Variants in ASIC2 observed in about 807,000 individuals in gnomAD.
The protein encoded by ASIC2 is acid sensing ion channel subunit 2.
Under a neutral mutation model 57.3 loss-of-function variants are expected in ASIC2, and 25 were observed. The observed-to-expected ratio is 0.44, with a 90% CI of 0.32 to 0.61. The LOEUF (loss-of-function observed/expected upper bound fraction) is 0.61, where lower values mean the gene tolerates loss of function less well. Among genes scored for constraint, ASIC2 ranks in the 20% least tolerant of loss-of-function variants. ASIC2 has a pLI of 0.06. For missense variants in ASIC2, 641 were observed against 738.1 expected (o/e 0.87, Z 1.52); for synonymous variants, 319 against 307.5 (o/e 1.04, Z -0.39).
At chr17:33,263,126 G>C (rs908062389) in intron 1 of ASIC2, among the ~76,000 whole-genome samples, 1 of 152,176 alleles carries the variant, frequency 6.6e-6, no homozygotes, top group Non-Finnish European at 1.5e-5. Flanking sequence ...GGCATTTTCC[G>C]GCCCTAGCTG....
intron 1 of ASIC2, among the ~76,000 whole-genome samples, chr17:33,605,342 G>A (rs911966011): frequency 6.6e-6 from 1 of 152,226 alleles, no homozygotes; most frequent in African/African-American, 2.4e-5. Context: ...TGCAGGGTCT[G>A]TTTAAAAACC....
intron 1 of ASIC2, among the ~76,000 whole-genome samples, chr17:33,708,094 C>T (rs1411794094): frequency 2.6e-5 from 4 of 152,200 alleles, no homozygotes; most frequent in African/African-American, 4.8e-5. Flanking sequence ...GGAGGGAGAG[C>T]TGTCTGGTTG....
rs116326301 is a variant in ASIC2, at chr17:33,106,442, G to C, written c.859+5475C>G. On this transcript the variant is annotated intron_variant, in intron 2 of 9. Transcript: ENST00000225823. ...GGATAGAAGGAGATGTGAAAGGGAGGTGCCTATTTGTGGTCTTTCTGACAC... is the reference window on the plus strand; with the variant it reads ...GGATAGAAGGAGATGTGAAAGGGAGCTGCCTATTTGTGGTCTTTCTGACAC... Among the ~76,000 whole-genome samples, 495 of 152,244 alleles carry C rather than the reference G, an allele frequency of 3.3e-3. 1 individual carries two copies. The highest frequency in any genetic ancestry group is 0.011 in the African/African-American group (457 of 41,534).
intron 1 of ASIC2, among the ~76,000 whole-genome samples, chr17:33,488,684 A>G (rs1913654716): frequency 6.6e-6 from 1 of 152,134 alleles, no homozygotes; most frequent in Non-Finnish European, 1.5e-5. Flanking sequence ...GAATTCTTTT[A>G]TGACCCTACC....
chr17:33,199,699 C>A (rs1421692536), intron 1 of ASIC2, among the ~76,000 whole-genome samples: 1 of 152,180 alleles, frequency 6.6e-6, no homozygotes, highest in Non-Finnish European at 1.5e-5. Flanking sequence ...GTGCCATGAA[C>A]AAAGTAACAG....
rs137945984 is a variant in ASIC2, at chr17:33,609,134, A to G, written c.556-497067T>C. Among the ~76,000 whole-genome samples the G allele has an allele frequency of 9.9e-5, 15 of 152,194 alleles. No individual in the cohort carries two copies. The East Asian group carries it at 2.9e-3, about 29-fold the overall frequency. ...TGGACGCTGTTGTGACTTAACCATC[A>G]TCTCCCACCTGAACTACTACAACAG... On this transcript the variant is annotated intron_variant, in intron 1 of 9. Coordinates refer to the ASIC2 transcript ENST00000359872.
intron 1 of ASIC2, among the ~76,000 whole-genome samples, chr17:33,382,609 C>G (rs921505516): frequency 6.6e-6 from 1 of 152,232 alleles, no homozygotes; most frequent in African/African-American, 2.4e-5. Context: ...AGACACTGTG[C>G]TGCATAATCC....
intron 1 of ASIC2, among the ~76,000 whole-genome samples, chr17:33,267,242 A>T (rs1370121481): frequency 6.6e-6 from 1 of 151,816 alleles, no homozygotes; most frequent in Non-Finnish European, 1.5e-5. Context: ...TACCCCCCCC[A>T]GGAAGCAAGG....
At chr17:33,899,473 G>A in intron 1 of ASIC2, among the ~76,000 whole-genome samples, 1 of 152,280 alleles carries the variant, frequency 6.6e-6, no homozygotes, top group South Asian at 2.1e-4. Flanking sequence ...GGTGGCCAGG[G>A]TCTGAAACAG....
chr17:34,022,109 T>C (rs1280989508), intron 1 of ASIC2, among the ~76,000 whole-genome samples: 3 of 152,126 alleles, frequency 2.0e-5, no homozygotes, highest in Non-Finnish European at 4.4e-5. Context: ...AGTGGGGGGT[T>C]GGTATTTTTA....
rs115777928 is a variant in ASIC2 at position 33,488,991 on chromosome 17, G to C, written c.556-376924C>G. Among the ~76,000 whole-genome samples the C allele has an allele frequency of 6.2e-4, 95 of 152,204 alleles. 1 individual carries two copies. The highest frequency in any genetic ancestry group is 2.3e-3 in the African/African-American group (94 of 41,548). ...CACAGTCCCAACCCCTCCCTGATGA[G>C]ATGATCCCCTAGGCCACTGTGTCTT... is the stretch of plus-strand genomic sequence containing the variant. On this transcript the variant is annotated intron_variant, in intron 1 of 9. Coordinates refer to the ASIC2 transcript ENST00000359872.
chr17:33,978,139 G>A (rs747651186), intron 1 of ASIC2, among the ~76,000 whole-genome samples: 9 of 152,186 alleles, frequency 5.9e-5, no homozygotes, highest in Non-Finnish European at 1.2e-4. Flanking sequence ...GAATGTGCCT[G>A]TGCTGGCCAG....
intron 1 of ASIC2, among the ~76,000 whole-genome samples, chr17:33,876,422 A>G (rs1914547484): frequency 6.6e-6 from 1 of 152,206 alleles, no homozygotes; most frequent in East Asian, 1.9e-4. Flanking sequence ...AAACCACAAT[A>G]TCTACGATTG....
At chr17:34,057,188 T>C (rs933620151) in intron 1 of ASIC2, among the ~76,000 whole-genome samples, 3 of 152,186 alleles carry the variant, frequency 2.0e-5, no homozygotes, top group Non-Finnish European at 4.4e-5. Context: ...CATAGAGACA[T>C]GTAAATGATC....
chr17:33,839,156 G>T (rs1478994786), intron 1 of ASIC2, among the ~76,000 whole-genome samples: 1 of 152,206 alleles, frequency 6.6e-6, no homozygotes, highest in African/African-American at 2.4e-5. Flanking sequence ...GGATTTAGGT[G>T]CTTGTCTTTC....
At chr17:34,116,838 C>A (rs940436691) in intron 1 of ASIC2, among the ~76,000 whole-genome samples, 1 of 152,086 alleles carries the variant, frequency 6.6e-6, no homozygotes, top group Non-Finnish European at 1.5e-5. Flanking sequence ...ACTCCGATAC[C>A]TTTTGCAAGT....
intron 1 of ASIC2, among the ~76,000 whole-genome samples, chr17:33,445,817 T>G (rs970801501): frequency 1.6e-4 from 19 of 116,268 alleles, no homozygotes; most frequent in Non-Finnish European, 2.8e-4. Context: ...AAAAAAAAAA[T>G]GGGGATCAGA....
At chr17:33,043,842 C>G (rs1266953327) in intron 3 of ASIC2, among the ~76,000 whole-genome samples, 1 of 152,160 alleles carries the variant, frequency 6.6e-6, no homozygotes, top group East Asian at 1.9e-4. Context: ...TCCTCCTGCC[C>G]TGGAATCACA....
At chr17:33,940,163 C>G (rs1916153888) in intron 1 of ASIC2, among the ~76,000 whole-genome samples, 1 of 152,204 alleles carries the variant, frequency 6.6e-6, no homozygotes, top group Non-Finnish European at 1.5e-5. Context: ...GTGCCCAACT[C>G]CGAGGATCAT....
Sources: allele counts gnomAD v4.1 joint callset (sites outside exome capture counted in the v4.1 genomes callset), GRCh38; gene constraint gnomAD v4.1.1; transcripts MANE v1.5; gene names NCBI Gene and HGNC (gene_info 2026-07-23, HGNC 2026-07-21).